The following DSE variants were observed in gnomAD, a reference collection of about 807,000 sequenced individuals.
The protein encoded by DSE is dermatan sulfate epimerase, also known as dermatan-sulfate epimerase.
DSE carries 36 observed loss-of-function variants against 84.4 expected under a neutral mutation model. The observed-to-expected ratio is 0.43, with a 90% confidence interval of 0.33 to 0.56. DSE has a LOEUF of 0.56. Among genes scored for constraint, DSE ranks in the 20% least tolerant of loss-of-function variants. The pLI is 0.06. For synonymous variants in DSE, 410 were observed against 430.1 expected (o/e 0.95, Z 0.58); for missense variants, 862 against 1,169.6 (o/e 0.74, Z 3.84).
chr6:116,390,370 T>C (rs1780825840), intron 1 of DSE, among the ~76,000 whole-genome samples: 1 of 152,126 alleles, frequency 6.6e-6, no homozygotes, highest in Non-Finnish European at 1.5e-5. Context: ...GCCTGGCCCA[T>C]AATTCCTGGA....
intron 1 of DSE, among the ~76,000 whole-genome samples, chr6:116,393,403 A>G (rs185732296): frequency 6.6e-6 from 1 of 152,318 alleles, no homozygotes; most frequent in Non-Finnish European, 1.5e-5. Flanking sequence ...GTTAACATCT[A>G]TAGTTCTTAT....
intron 2 of DSE, among the ~76,000 whole-genome samples, chr6:116,302,016 T>G (rs1356577176): frequency 6.6e-6 from 1 of 152,224 alleles, no homozygotes; most frequent in African/African-American, 2.4e-5. Flanking sequence ...GTGCCACATT[T>G]TCTTAATCCA....
At chr6:116,290,350 C>T (rs9488886) in intron 2 of DSE, among the ~76,000 whole-genome samples, 3,783 of 152,190 alleles carry the variant, frequency 0.025, 156 homozygotes, top group African/African-American at 0.086. Flanking sequence ...TGATGGCTAG[C>T]TTAAACAGCC....
chr6:116,399,308 G>C lies in DSE; in HGVS notation c.58G>C (p.Val20Leu), dbSNP rs1430411900. The C allele has an allele frequency of 6.2e-7, 1 of 1,614,016 alleles. No individual in the cohort carries two copies. The highest frequency in any genetic ancestry group is 8.5e-7 in the Non-Finnish European group (1 of 1,180,030). ...SVFFIYLLCF[V>L]SAYITDENPE... ...GTTTTTCATATATTTGCTTTGCTTT[G>C]TGTCAGCCTACATCACCGACGAGAA... Residue 20 changes from valine to leucine, a missense_variant, in exon 2 of 6, where the codon GTG becomes CTG. Around this residue, in one of 4 missense-constraint regions of DSE, gnomAD observed 52 missense variants for 49.6 expected, o/e 1.05. Coordinates refer to ENST00000644252, the MANE Select transcript of DSE (RefSeq NM_013352.4).
At chr6:116,369,839 G>T, upstream of DSE, 3 of 1,152,332 alleles carry the variant, frequency 2.6e-6, no homozygotes, top group East Asian at 1.7e-4. Flanking sequence ...GAGAACCTCT[G>T]AGGATAGAGG....
intron 2 of DSE, among the ~76,000 whole-genome samples, chr6:116,354,755 T>G (rs373580703): frequency 6.6e-6 from 1 of 152,212 alleles, no homozygotes; most frequent in East Asian, 1.9e-4. Context: ...TTCTGTTTAT[T>G]TTCCCACAGT....
chr6:116,297,113 A>G (rs763986116), intron 2 of DSE, among the ~76,000 whole-genome samples: 25 of 152,214 alleles, frequency 1.6e-4, no homozygotes, highest in Non-Finnish European at 2.5e-4. Flanking sequence ...TGCTCTGTCC[A>G]TATCCCTTTG....
chr6:116,406,175 C>T (rs750584261), intron 2 of DSE, among the ~76,000 whole-genome samples: 1 of 152,160 alleles, frequency 6.6e-6, no homozygotes, highest in African/African-American at 2.4e-5. Context: ...GCCTACCTCC[C>T]GCCCTTTCAG....
At chr6:116,266,406 G>T (rs1167440970) in intron 2 of DSE, among the ~76,000 whole-genome samples, 1 of 152,168 alleles carries the variant, frequency 6.6e-6, no homozygotes, top group Non-Finnish European at 1.5e-5. Context: ...GAAAGTGCCA[G>T]CATCAAAACT....
At chr6:116,367,585 A>T (rs965292800), upstream of DSE, among the ~76,000 whole-genome samples, 5 of 152,248 alleles carry the variant, frequency 3.3e-5, no homozygotes. Context: ...TGTTCAGACA[A>T]GAAGAACATG....
chr6:116,431,775 A>C (rs1384306168), intron 4 of DSE, among the ~76,000 whole-genome samples: 1 of 152,154 alleles, frequency 6.6e-6, no homozygotes, highest in Non-Finnish European at 1.5e-5. Context: ...TTCTAAGAGA[A>C]CTAGCTCTAA....
intron 2 of DSE, among the ~76,000 whole-genome samples, chr6:116,323,369 A>C (rs558855035): frequency 1.3e-5 from 2 of 152,322 alleles, no homozygotes; most frequent in South Asian, 4.1e-4. Context: ...TTAAGCTAAT[A>C]ATTAATTTGG....
At chr6:116,368,733 C>G (rs73551523), upstream of DSE, among the ~76,000 whole-genome samples, 24,298 of 152,154 alleles carry the variant, frequency 0.16, 2,099 homozygotes, top group African/African-American at 0.21. Flanking sequence ...CAATTCTTGG[C>G]ATCAGGGTTT....
intron 2 of DSE, among the ~76,000 whole-genome samples, chr6:116,410,189 A>C (rs1782227339): frequency 6.6e-6 from 1 of 152,160 alleles, no homozygotes; most frequent in Admixed American, 6.5e-5. Context: ...GTAGCTGATA[A>C]AGTATTTTGA....
intron 1 of DSE, among the ~76,000 whole-genome samples, chr6:116,374,848 ACCCAATCGCCTCTAGGT>A (rs1348043757): frequency 6.6e-6 from 1 of 152,118 alleles, no homozygotes; most frequent in Non-Finnish European, 1.5e-5. Flanking sequence ...GAGGCTCATG[ACCCAATCGCCTCTAGGT>A]CCTACCTTTC....
chr6:116,324,896 G>A (rs1562230868), intron 2 of DSE, among the ~76,000 whole-genome samples: 1 of 152,156 alleles, frequency 6.6e-6, no homozygotes, highest in East Asian at 1.9e-4. Context: ...GTGCTTTTAA[G>A]TTTTCTCTGA....
intron 2 of DSE, among the ~76,000 whole-genome samples, chr6:116,340,051 A>G (rs142250531): frequency 3.6e-3 from 554 of 152,318 alleles, no homozygotes; most frequent in Middle Eastern, 6.8e-3. Context: ...AGAAACAGTC[A>G]AGTAGTGTGA....
At chr6:116,256,888 C>G (rs1435485222) in intron 1 of DSE, 1 of 152,022 alleles carries the variant, frequency 6.6e-6, no homozygotes, top group Admixed American at 6.6e-5. Context: ...TGGCAATAAA[C>G]CTTACTAAGC....
chr6:116,326,394 A>G (rs752126885), intron 2 of DSE, among the ~76,000 whole-genome samples: 42 of 152,104 alleles, frequency 2.8e-4, no homozygotes, highest in Non-Finnish European at 5.4e-4. Context: ...GGAGCTGCTT[A>G]TGCCAAGAGT....
Sources: gnomAD v4.1 joint callset for allele counts (sites outside exome capture counted in the v4.1 genomes callset) on GRCh38, gnomAD v4.1.1 for gene constraint, gnomAD v4.1.1 regional missense constraint, MANE v1.5 for transcripts, NCBI Gene and HGNC (gene_info 2026-07-23, HGNC 2026-07-21) for gene names.